CD247: variants seen among roughly 807,000 people sequenced by gnomAD.
CD247 encodes the protein CD247 molecule.
In CD247, 13 loss-of-function variants were observed where a neutral mutation model predicts 30.0. The ratio of observed to expected loss-of-function variants is 0.43; its 90% CI spans 0.28 to 0.69. CD247 has a LOEUF of 0.69. Ranked by LOEUF, CD247 falls within the 30% of genes least tolerant of loss-of-function variation. The probability of loss-of-function intolerance (pLI) is 0.16; values close to 1 mark genes in which losing one functional copy is unlikely to be tolerated. For missense variants in CD247, 193 were observed against 212.6 expected, an observed-to-expected ratio of 0.91 and a Z score of 0.57; for synonymous variants, 72 against 80.0, an observed-to-expected ratio of 0.90 and a Z score of 0.53.
chr1:167,468,939 G>A (rs1653385204), intron 1 of CD247, among the ~76,000 whole-genome samples: 2 of 150,430 alleles, frequency 1.3e-5, no homozygotes, highest in African/African-American at 2.4e-5. Context: ...CCCAAACATA[G>A]AGAAGAGCAA....
At position 167,438,644 on chromosome 1, in the gene CD247, T is replaced by G; in HGVS notation, c.226A>C (p.Asn76His). 1 of 1,613,464 alleles carries G rather than the reference T, an allele frequency of 6.2e-7. No individual in the cohort carries two copies. Among genetic ancestry groups the G allele is most frequent in the Non-Finnish European group, 8.5e-7 (1 of 1,179,370 alleles). The change falls in exon 4 of 8, where the codon AAT becomes CAT. Residue 76 changes from asparagine (N) to histidine (H), a missense_variant. Physicochemically the swap from Asn to His is moderately conservative, Grantham distance 68. Transcript: ENST00000362089. ...TCGTACTCCTCTCTTCGTCCTAGAT[T>G]GAGCTCCTATAACAGATAAGAAAGT... ...QGQNQLYNEL[N>H]LGRREEYDVL...
chr1:167,469,626 C>CCTT (rs1435955709), intron 1 of CD247, among the ~76,000 whole-genome samples: 59 of 152,160 alleles, frequency 3.9e-4, no homozygotes, highest in African/African-American at 1.3e-3. Context: ...CCTCCTCACC[C>CCTT]CTTTTTTTTT....
chr1:167,481,309 G>A (rs1653965305), intron 1 of CD247, among the ~76,000 whole-genome samples: 1 of 152,104 alleles, frequency 6.6e-6, no homozygotes, highest in Non-Finnish European at 1.5e-5. Context: ...ACAAAAAGAG[G>A]CACTGAAAGG....
At chr1:167,472,547 T>C (rs1653575480) in intron 1 of CD247, among the ~76,000 whole-genome samples, 1 of 152,206 alleles carries the variant, frequency 6.6e-6, no homozygotes, top group Non-Finnish European at 1.5e-5. Flanking sequence ...ATGTGGACTT[T>C]TTTTTTCAAG....
At chr1:167,501,330 A>T (rs908969584) in intron 1 of CD247, among the ~76,000 whole-genome samples, 1 of 151,952 alleles carries the variant, frequency 6.6e-6, no homozygotes, top group African/African-American at 2.4e-5. Flanking sequence ...AAGTGTTGGG[A>T]TTACAGGCGT....
chr1:167,506,101 A>G (rs927906842), intron 1 of CD247, among the ~76,000 whole-genome samples: 1 of 152,220 alleles, frequency 6.6e-6, no homozygotes, highest in Admixed American at 6.5e-5. Flanking sequence ...GGTAAAATCC[A>G]GAAGTGGAAC....
chr1:167,499,406 G>C (rs1654817415), intron 1 of CD247, among the ~76,000 whole-genome samples: 1 of 152,172 alleles, frequency 6.6e-6, no homozygotes, highest in Non-Finnish European at 1.5e-5. Flanking sequence ...AAGAGCAGCT[G>C]TTTTATTTCT....
chr1:167,448,522 A>G, intron 1 of CD247: 1 of 985,428 alleles, frequency 1.0e-6, no homozygotes, highest in Non-Finnish European at 1.2e-6. Flanking sequence ...GCCTGCTACC[A>G]AATGTGAGGC....
chr1:167,448,547 C>T, intron 1 of CD247: 1 of 985,150 alleles, frequency 1.0e-6, no homozygotes, highest in Non-Finnish European at 1.2e-6. Flanking sequence ...ACTCACACTG[C>T]CCAGTGCTTA....
intron 1 of CD247, among the ~76,000 whole-genome samples, chr1:167,465,247 C>T (rs779579117): frequency 1.6e-4 from 24 of 152,038 alleles, no homozygotes; most frequent in Non-Finnish European, 2.8e-4. Context: ...CCTCCAGTGG[C>T]CAGTCCCTTA....
rs757866507 is a variant in CD247 at position 167,518,363 on chromosome 1, CAA to C, written c.58+43_58+44del. On this transcript the variant is annotated intron_variant, in intron 1 of 7. Transcript: ENST00000362089. ...CCACACCCACTCCCCTACACATACACAAAGAGTTTCTAGAAGTTCCCTGCCGT... is the reference window on the plus strand; with the variant it reads ...CCACACCCACTCCCCTACACATACACAGAGTTTCTAGAAGTTCCCTGCCGT... 1.0e-4 allele frequency: 162 copies of C among 1,598,926 alleles called. 1 individual carries two copies. The highest frequency in any genetic ancestry group is 3.3e-5 in the South Asian group (3 of 90,792).
chr1:167,503,459 T>C (rs1654995017), intron 1 of CD247, among the ~76,000 whole-genome samples: 1 of 152,176 alleles, frequency 6.6e-6, no homozygotes, highest in Non-Finnish European at 1.5e-5. Context: ...TTGCATTGCA[T>C]AACTCTATCT....
intron 1 of CD247, among the ~76,000 whole-genome samples, chr1:167,464,306 G>A (rs1653146716): frequency 6.6e-6 from 1 of 152,170 alleles, no homozygotes; most frequent in East Asian, 1.9e-4. Flanking sequence ...GTTTTCCTGC[G>A]TTTCCAACTC....
Position 167,439,376 on chromosome 1 carries a change from C to CG in CD247, c.186dup (p.Ala63ArgfsTer11). On this transcript the variant is annotated frameshift_variant, in exon 3 of 8. Transcript: ENST00000362089. LOFTEE classifies it high-confidence loss of function. ...AGCTGGTTCTGGCCCTGCTGGTACGCGGGGGCGTCTGCGCTCCTGCTGAAC... is the reference window on the plus strand; with the variant it reads ...AGCTGGTTCTGGCCCTGCTGGTACGCGGGGGGCGTCTGCGCTCCTGCTGAAC... 6.2e-7 allele frequency: 1 copy of CG among 1,614,160 alleles called. No individual in the cohort carries two copies. The highest frequency in any genetic ancestry group is 8.5e-7 in the Non-Finnish European group (1 of 1,179,990).
At chr1:167,441,457 C>T (rs1420720389) in intron 1 of CD247, among the ~76,000 whole-genome samples, 1 of 152,142 alleles carries the variant, frequency 6.6e-6, no homozygotes, top group Non-Finnish European at 1.5e-5. Flanking sequence ...GTCCCAGCTC[C>T]ATGGCCTCAG....
intron 1 of CD247, among the ~76,000 whole-genome samples, chr1:167,480,716 A>G (rs1653939914): frequency 6.6e-6 from 1 of 152,232 alleles, no homozygotes; most frequent in African/African-American, 2.4e-5. Flanking sequence ...GTGAAGATAA[A>G]TGCTCATTAA....
chr1:167,449,149 C>CTTTTTTTTTTT (rs71097676), intron 1 of CD247, among the ~76,000 whole-genome samples: 2 of 66,420 alleles, frequency 3.0e-5, no homozygotes, highest in African/African-American at 7.5e-5. Context: ...TTTTTCTTTT[C>CTTTTTTTTTTT]TTTTTTTTTT....
At chr1:167,458,316 T>C (rs1301683105) in intron 1 of CD247, among the ~76,000 whole-genome samples, 2 of 152,192 alleles carry the variant, frequency 1.3e-5, no homozygotes, top group African/African-American at 4.8e-5. Context: ...ATGAGTGGGA[T>C]TGGGATGTTT....
At chr1:167,464,743 T>C (rs1429572722) in intron 1 of CD247, among the ~76,000 whole-genome samples, 1 of 152,204 alleles carries the variant, frequency 6.6e-6, no homozygotes, top group Non-Finnish European at 1.5e-5. Flanking sequence ...CTGAAATGCC[T>C]GGGGACAGAA....
Sources: allele counts gnomAD v4.1 joint callset (sites outside exome capture counted in the v4.1 genomes callset), GRCh38; gene constraint gnomAD v4.1.1; transcripts MANE v1.5; gene names NCBI Gene and HGNC (gene_info 2026-07-23, HGNC 2026-07-21).